The following ATCAY variants were observed in gnomAD, a reference collection of about 807,000 sequenced individuals.
The protein encoded by ATCAY is caytaxin.
Under a neutral mutation model 47.7 loss-of-function variants are expected in ATCAY, and 22 were observed. The ratio of observed to expected loss-of-function variants is 0.46; its 90% CI spans 0.33 to 0.66. The LOEUF is 0.66. Among genes scored for constraint, ATCAY ranks in the 30% least tolerant of loss-of-function variants. ATCAY has a pLI of 0.02. For synonymous variants in ATCAY, 216 were observed against 207.6 expected (o/e 1.04, Z -0.35); for missense variants, 452 against 515.0 (o/e 0.88, Z 1.18).
intron 9 of ATCAY, among the ~76,000 whole-genome samples, chr19:3,916,153 CT>C (rs1458638056): frequency 6.6e-6 from 1 of 152,190 alleles, no homozygotes; most frequent in East Asian, 1.9e-4. Flanking sequence ...AGGATTTGTC[CT>C]TTTGTGTCTG....
chr19:3,895,473 C>G (rs2038761381), intron 2 of ATCAY, among the ~76,000 whole-genome samples: 2 of 152,070 alleles, frequency 1.3e-5, no homozygotes, highest in Non-Finnish European at 2.9e-5. Flanking sequence ...CCTCGGCCTC[C>G]CAAAGTGCTG....
rs1362233598 is a variant in ATCAY at position 3,918,847 on chromosome 19, A to G, written c.1043A>G (p.Glu348Gly). The change falls in exon 11 of 13, where the codon GAG becomes GGG. Residue 348 changes from glutamate to glycine, a missense_variant. By Grantham distance (98) the Glu-to-Gly change is moderately conservative. Transcript: ENST00000450849. ...GAGTTTGTGCTGCCCAGGTCTGAAGAGAAGCCAGAGGTGGCACCAGTGGAA... is the reference window on the plus strand; with the variant it reads ...GAGTTTGTGCTGCCCAGGTCTGAAGGGAAGCCAGAGGTGGCACCAGTGGAA... The part of the protein sequence containing the change: ...QPEFVLPRSE[E>G]KPEVAPVENR... 6.2e-7 allele frequency: 1 copy of G among 1,613,908 alleles called. No homozygotes were observed. Among genetic ancestry groups the G allele is most frequent in the African/African-American group, 1.3e-5 (1 of 74,942 alleles).
chr19:3,913,716 T>C, intron 8 of ATCAY, 42 bp from the exon 9 acceptor site: 6 of 1,511,324 alleles, frequency 4.0e-6, no homozygotes, highest in Non-Finnish European at 4.6e-6. Context: ...CCCCACCCCA[T>C]GGGTTGCATT....
chr19:3,917,029 G>A (rs562446349), intron 9 of ATCAY, among the ~76,000 whole-genome samples: 1 of 151,758 alleles, frequency 6.6e-6, no homozygotes, highest in Admixed American at 6.6e-5. Flanking sequence ...GATGGTCTCA[G>A]TCTCCTGAAC....
chr19:3,905,702 A>T, intron 4 of ATCAY, 47 bp downstream of exon 4: 2 of 1,290,630 alleles, frequency 1.5e-6, no homozygotes, highest in South Asian at 2.5e-5. Flanking sequence ...CACCCCCCCC[A>T]CCCCACCTTT....
rs1421486763 is a variant in ATCAY at position 3,885,677 on chromosome 19, C to T, written c.-41-50C>T. ...AGAGCTGCATGGGGTAGACGATTGTCATTAGGACTATTGTCCAGTAAAACC... is the reference window on the plus strand; with the variant it reads ...AGAGCTGCATGGGGTAGACGATTGTTATTAGGACTATTGTCCAGTAAAACC... On this transcript the variant is annotated intron_variant, in intron 1 of 12. Coordinates refer to ENST00000450849, the MANE Select transcript of ATCAY (RefSeq NM_033064.5). The T allele has an allele frequency of 1.5e-5, 17 of 1,099,368 alleles. No individual in the cohort carries two copies. In the East Asian group the frequency reaches 4.4e-4, roughly 28 times the overall value. The allele number at this position is 1,099,368 out of a possible 1,614,324, so 68.1% of individuals were successfully genotyped here.
chr19:3,922,569 C>T (rs1388398863), intron 12 of ATCAY, among the ~76,000 whole-genome samples: 1 of 152,144 alleles, frequency 6.6e-6, no homozygotes, highest in East Asian at 1.9e-4. Flanking sequence ...GGTGGGGACA[C>T]AGCCCAACCA....
At chr19:3,917,885 C>T (rs1342873471) in intron 10 of ATCAY, 108 bp downstream of exon 10, 6 of 1,232,940 alleles carry the variant, frequency 4.9e-6, no homozygotes, top group Non-Finnish European at 3.3e-6. Flanking sequence ...GACCATTGTC[C>T]TGTGCAGGGC....
At chr19:3,893,537 G>A (rs2038737712) in intron 2 of ATCAY, 1 of 152,084 alleles carries the variant, frequency 6.6e-6, no homozygotes, top group Non-Finnish European at 1.5e-5. Context: ...GCTCTGCAGA[G>A]GGCTAAGTGG....
chr19:3,896,800 G>A (rs564499886), intron 2 of ATCAY, among the ~76,000 whole-genome samples: 43 of 150,578 alleles, frequency 2.9e-4, no homozygotes, highest in Admixed American at 1.9e-3. Flanking sequence ...GTTTTGAGAC[G>A]GAGTCTCGCT....
At chr19:3,899,057 C>A (rs1303435110) in intron 2 of ATCAY, among the ~76,000 whole-genome samples, 1 of 152,110 alleles carries the variant, frequency 6.6e-6, no homozygotes, top group Non-Finnish European at 1.5e-5. Context: ...TTCGTGTGAA[C>A]AGATGTTTTC....
intron 9 of ATCAY, among the ~76,000 whole-genome samples, chr19:3,917,112 A>G (rs1362945399): frequency 6.6e-6 from 1 of 152,066 alleles, no homozygotes; most frequent in Non-Finnish European, 1.5e-5. Flanking sequence ...CAGCCAACAC[A>G]TAAACATTTA....
chr19:3,899,117 AG>A (rs1354378737), intron 2 of ATCAY, among the ~76,000 whole-genome samples: 1 of 152,036 alleles, frequency 6.6e-6, no homozygotes, highest in African/African-American at 2.4e-5. Context: ...GAACAGGAGG[AG>A]GGTGACATCT....
At chr19:3,921,709 C>T (rs2145267744) in intron 12 of ATCAY, among the ~76,000 whole-genome samples, 1 of 152,086 alleles carries the variant, frequency 6.6e-6, no homozygotes, top group Non-Finnish European at 1.5e-5. Flanking sequence ...ACCAGCCTGG[C>T]CAATATGGTG....
At chr19:3,909,357 G>A (rs2038902270) in intron 6 of ATCAY, 129 bp from the exon 7 acceptor site, 1 of 1,085,858 alleles carries the variant, frequency 9.2e-7, no homozygotes, top group African/African-American at 1.6e-5. Context: ...CAGGACAGCA[G>A]ACAACACCTG....
intron 2 of ATCAY, among the ~76,000 whole-genome samples, chr19:3,886,719 CTTT>C (rs546816341): frequency 3.0e-5 from 4 of 131,410 alleles, no homozygotes; most frequent in African/African-American, 2.9e-5. Context: ...ACATGCTGAA[CTTT>C]TTTTTTTTTT....
chr19:3,892,358 A>G (rs950275042), intron 2 of ATCAY, among the ~76,000 whole-genome samples: 6 of 151,962 alleles, frequency 3.9e-5, no homozygotes, highest in Non-Finnish European at 8.8e-5. Context: ...ATATGCCACC[A>G]CACCCAGCTA....
rs781753084 is a variant in ATCAY at position 3,909,620 on chromosome 19, G to T, written c.779+3G>T. 3 of 1,581,818 alleles carry T rather than the reference G, an allele frequency of 1.9e-6. No homozygotes were observed. In the East Asian group the frequency reaches 7.0e-5, roughly 37 times the overall value. ...TGCTACCAGATGATCGACCGGAGGT[G>T]AGGTGGGGATGCCTCAGGAAGCACA... On this transcript the variant is annotated splice_donor_region_variant and intron_variant, in intron 7 of 12. Transcript: ENST00000450849.
intron 7 of ATCAY, 29 bp downstream of exon 7, chr19:3,909,646 G>C (rs2038906013): frequency 6.4e-7 from 1 of 1,555,658 alleles, no homozygotes; most frequent in Non-Finnish European, 8.7e-7. Context: ...AGGAAGCACA[G>C]TGGGGGCATG....
Sources: gnomAD v4.1 joint callset for allele counts (sites outside exome capture counted in the v4.1 genomes callset) on GRCh38, gnomAD v4.1.1 for gene constraint, MANE v1.5 for transcripts, NCBI Gene and HGNC (gene_info 2026-07-23, HGNC 2026-07-21) for gene names.